Variants in NAV2 observed in about 807,000 individuals in gnomAD.
The protein encoded by NAV2 is helicase, APC down-regulated 1.
Under a neutral mutation model 223.2 loss-of-function variants are expected in NAV2, and 54 were observed. The ratio of observed to expected loss-of-function variants is 0.24; its 90% CI spans 0.19 to 0.30. The LOEUF (loss-of-function observed/expected upper bound fraction) is 0.30, where lower values mean the gene tolerates loss of function less well. Ranked by LOEUF, NAV2 falls within the 10% of genes least tolerant of loss-of-function variation. NAV2 has a pLI of 1.00. For synonymous variants in NAV2, 1,279 were observed against 1,239.3 expected (o/e 1.03, Z -0.67); for missense variants, 2,806 against 3,147.5 (o/e 0.89, Z 2.60).
intron 1 of NAV2, among the ~76,000 whole-genome samples, chr11:19,449,517 C>T (rs1344958449): frequency 6.6e-6 from 1 of 152,004 alleles, no homozygotes; most frequent in East Asian, 1.9e-4. Context: ...TATACTAAGC[C>T]TGCCCATACC....
chr11:19,912,647 A>C (rs1466378030), intron 6 of NAV2, among the ~76,000 whole-genome samples: 2 of 152,208 alleles, frequency 1.3e-5, no homozygotes, highest in Admixed American at 6.5e-5. Context: ...CCTTGGGACC[A>C]TGTCCTTATA....
intron 1 of NAV2, among the ~76,000 whole-genome samples, chr11:19,380,835 CT>C (rs941420173): frequency 6.6e-6 from 1 of 152,196 alleles, no homozygotes; most frequent in Non-Finnish European, 1.5e-5. Flanking sequence ...CCTGCTTTGC[CT>C]GGGATTTAGG....
chr11:19,473,260 A>T (rs2042019051), intron 1 of NAV2, among the ~76,000 whole-genome samples: 1 of 148,720 alleles, frequency 6.7e-6, no homozygotes, highest in Non-Finnish European at 1.5e-5. Context: ...TGCTGCTAGA[A>T]CTCTTGAAGA....
At chr11:19,725,616 C>T (rs1045003483) in intron 1 of NAV2, among the ~76,000 whole-genome samples, 4 of 152,212 alleles carry the variant, frequency 2.6e-5, no homozygotes, top group Admixed American at 2.0e-4. Context: ...GTCCTTGCCT[C>T]TCACTCATTT....
intron 12 of NAV2, among the ~76,000 whole-genome samples, chr11:20,038,626 G>A (rs577944246): frequency 3.0e-4 from 46 of 152,266 alleles, no homozygotes; most frequent in South Asian, 8.3e-4. Flanking sequence ...GAAGATGTGC[G>A]TTGTACCCTT....
In NAV2 at chr11:19,713,632, T is replaced by C; in HGVS notation, c.-64T>C. 1.3e-6 allele frequency: 2 copies of C among 1,494,270 alleles called. No homozygotes were observed. The highest frequency in any genetic ancestry group is 1.8e-6 in the Non-Finnish European group (2 of 1,121,882). The allele number at this position is 1,494,270 out of a possible 1,614,324, so 92.6% of individuals were successfully genotyped here. ...CGCCTGCTCTGCTACCCGCGCTGCC[T>C]TTAGCGGTCGCCCCCGCCGCCGCTG... On this transcript the variant is annotated 5_prime_UTR_variant, in exon 1 of 38. Coordinates refer to ENST00000349880, the MANE Select transcript of NAV2 (RefSeq NM_145117.5). The surrounding 1 kb of genome is among the most constrained non-coding windows in gnomAD (Gnocchi z 7.2).
At chr11:19,745,757 G>A (rs2053281725) in intron 1 of NAV2, among the ~76,000 whole-genome samples, 2 of 152,084 alleles carry the variant, frequency 1.3e-5, no homozygotes, top group African/African-American at 2.4e-5. Context: ...GTTCACAATC[G>A]GGTTCACGCT....
At chr11:19,821,321 G>A (rs2059370536) in intron 1 of NAV2, among the ~76,000 whole-genome samples, 1 of 151,502 alleles carries the variant, frequency 6.6e-6, no homozygotes, top group Non-Finnish European at 1.5e-5. Context: ...TTATCCTGAG[G>A]TGTGGATGAA....
intron 1 of NAV2, among the ~76,000 whole-genome samples, chr11:19,526,031 GT>G (rs776922553): frequency 2.6e-5 from 4 of 152,134 alleles, no homozygotes; most frequent in Non-Finnish European, 5.9e-5. Context: ...ATTGTGAAAT[GT>G]TGCCCCAGAA....
At chr11:19,654,721 G>A (rs182173427) in intron 1 of NAV2, among the ~76,000 whole-genome samples, 2,479 of 152,166 alleles carry the variant, frequency 0.016, 71 homozygotes, top group African/African-American at 0.054. Flanking sequence ...CCTTCCTTAC[G>A]CCTTATACAA....
At chr11:19,757,646 G>A (rs1224653964) in intron 1 of NAV2, among the ~76,000 whole-genome samples, 1 of 152,144 alleles carries the variant, frequency 6.6e-6, no homozygotes, top group African/African-American at 2.4e-5. Context: ...TGCATGGTGT[G>A]TGATGGGAAG....
At chr11:19,621,515 T>C (rs559942182) in intron 1 of NAV2, among the ~76,000 whole-genome samples, 1 of 152,376 alleles carries the variant, frequency 6.6e-6, no homozygotes, top group East Asian at 1.9e-4. Context: ...TTTATCCATT[T>C]CTTCCAGATT....
intron 1 of NAV2, among the ~76,000 whole-genome samples, chr11:19,416,859 T>G (rs1850392180): frequency 6.6e-6 from 1 of 152,184 alleles, no homozygotes; most frequent in South Asian, 2.1e-4. Flanking sequence ...GATTCCCTAT[T>G]TAATAAATGG....
intron 1 of NAV2, among the ~76,000 whole-genome samples, chr11:19,596,990 G>T (rs995627752): frequency 1.3e-5 from 2 of 152,214 alleles, no homozygotes; most frequent in Non-Finnish European, 2.9e-5. Context: ...GCCACACCTA[G>T]CTGGCCCCCC....
intron 1 of NAV2, among the ~76,000 whole-genome samples, chr11:19,730,720 C>T (rs551148252): frequency 7.9e-5 from 12 of 152,180 alleles, no homozygotes; most frequent in African/African-American, 2.9e-4. Flanking sequence ...CACTGCTCCC[C>T]CTTCCTGAGC....
Position 19,998,183 on chromosome 11 carries a change from C to G in NAV2, c.2768+13936C>G, listed in dbSNP as rs77051471. ...AGACTGACTGAAGAGTTTTCCTCCC[C>G]CTTTTCCTTCCAGTCGGCAAACTCC... On this transcript the variant is annotated intron_variant, in intron 11 of 37. Transcript: ENST00000349880. This position sits in a 1 kb window ranked among gnomAD's most constrained non-coding sequence, Gnocchi z 5.0. 1.7e-3 allele frequency among the ~76,000 whole-genome samples: 255 copies of G among 152,184 alleles called. 2 individuals are homozygous for G. The highest frequency in any genetic ancestry group is 5.9e-3 in the African/African-American group (247 of 41,530).
At chr11:20,046,117 C>T (rs544501688) in intron 14 of NAV2, among the ~76,000 whole-genome samples, 4 of 152,160 alleles carry the variant, frequency 2.6e-5, no homozygotes, top group South Asian at 4.2e-4. Flanking sequence ...GGGCAGATCA[C>T]GAGGTCAGGA....
chr11:19,928,444 C>G (rs1330585937), intron 6 of NAV2, among the ~76,000 whole-genome samples: 1 of 152,170 alleles, frequency 6.6e-6, no homozygotes. Context: ...TCAAAACATT[C>G]TTTTATGCTT....
intron 1 of NAV2, among the ~76,000 whole-genome samples, chr11:19,495,799 A>G (rs1355993565): frequency 6.6e-6 from 1 of 152,214 alleles, no homozygotes; most frequent in Non-Finnish European, 1.5e-5. Flanking sequence ...GTAGAAAAAA[A>G]TAAATCAGAG....
Sources: gnomAD v4.1 joint callset for allele counts (sites outside exome capture counted in the v4.1 genomes callset) on GRCh38, gnomAD v4.1.1 for gene constraint, Gnocchi (gnomAD v3.1) non-coding constraint, MANE v1.5 for transcripts, NCBI Gene and HGNC (gene_info 2026-07-23, HGNC 2026-07-21) for gene names.